The following FAM78B variants were observed in gnomAD, a reference collection of about 807,000 sequenced individuals.
FAM78B encodes the protein family with sequence similarity 78 member B.
Under a neutral mutation model 20.0 loss-of-function variants are expected in FAM78B, and 10 were observed. The ratio of observed to expected loss-of-function variants is 0.50; its 90% CI spans 0.31 to 0.85. FAM78B has a LOEUF of 0.85. Ranked by LOEUF, FAM78B falls within the 40% of genes least tolerant of loss-of-function variation. FAM78B has a pLI of 0.05. For synonymous variants in FAM78B, 135 were observed against 132.8 expected (o/e 1.02, Z -0.12); for missense variants, 283 against 345.0 (o/e 0.82, Z 1.42).
At chr1:166,084,241 T>C (rs57381395) in intron 1 of FAM78B, among the ~76,000 whole-genome samples, 2 of 66,188 alleles carry the variant, frequency 3.0e-5, no homozygotes, top group African/African-American at 1.4e-4. Flanking sequence ...ACACACACTC[T>C]CTCTCTCTCT....
chr1:166,069,291 A>G (rs1007622135), downstream of FAM78B, among the ~76,000 whole-genome samples: 6 of 96,506 alleles, frequency 6.2e-5, no homozygotes, highest in African/African-American at 1.6e-4. Context: ...TCAGAAACTC[A>G]AAAGAAACAG....
chr1:166,156,219 T>TG (rs1410471121), intron 1 of FAM78B, among the ~76,000 whole-genome samples: 1 of 152,244 alleles, frequency 6.6e-6, no homozygotes, highest in East Asian at 1.9e-4. Flanking sequence ...AATAACAAAA[T>TG]GGCCTTATTT....
intron 1 of FAM78B, among the ~76,000 whole-genome samples, chr1:166,140,327 T>C (rs961878498): frequency 6.6e-6 from 1 of 152,214 alleles, no homozygotes; most frequent in Non-Finnish European, 1.5e-5. Context: ...CAGCCCCAGC[T>C]TGATTGCTGC....
At position 166,144,555 on chromosome 1, in the gene FAM78B, T is replaced by A. The variant is rs1297608983; in HGVS notation, c.263+21431A>T. 3.3e-5 allele frequency among the ~76,000 whole-genome samples: 5 copies of A among 152,110 alleles called. No homozygotes were observed. In the East Asian group the frequency reaches 7.7e-4, roughly 24 times the overall value. On this transcript the variant is annotated intron_variant, in intron 1 of 1. Coordinates refer to ENST00000354422, the MANE Select transcript of FAM78B (RefSeq NM_001017961.5). ...ATGGGGAGAAAGAGGTTGGTTGTTG[T>A]CCTCATGATGGAGCAGGAAGGATCA... is the stretch of plus-strand genomic sequence containing the variant.
downstream of FAM78B, among the ~76,000 whole-genome samples, chr1:166,065,060 G>A (rs772411628): frequency 6.6e-6 from 1 of 152,178 alleles, no homozygotes; most frequent in Non-Finnish European, 1.5e-5. Context: ...CCTGAACCCT[G>A]ACTCCTCAGT....
intron 1 of FAM78B, among the ~76,000 whole-genome samples, chr1:166,086,165 A>G (rs1227827003): frequency 6.6e-6 from 1 of 151,954 alleles, no homozygotes; most frequent in South Asian, 2.1e-4. Flanking sequence ...AGATGGGACA[A>G]ACTTAACTCT....
intron 1 of FAM78B, among the ~76,000 whole-genome samples, chr1:166,074,140 T>C (rs753595184): frequency 1.3e-5 from 2 of 152,178 alleles, no homozygotes; most frequent in Non-Finnish European, 2.9e-5. Flanking sequence ...TTCCAAGGCT[T>C]TTCTATATGG....
At chr1:166,057,914 G>C (rs1214100137) in exon 3 of FAM78B, 1 of 152,072 alleles carries the variant, frequency 6.6e-6, no homozygotes, top group Non-Finnish European at 1.5e-5. Context: ...GTTTCCCAGC[G>C]AGATCTAAAT....
chr1:166,102,476 A>T (rs1419728501), intron 1 of FAM78B, among the ~76,000 whole-genome samples: 1 of 152,222 alleles, frequency 6.6e-6, no homozygotes, highest in Non-Finnish European at 1.5e-5. Flanking sequence ...TCATCTGTAG[A>T]GACAAACATA....
chr1:166,063,519 G>A (rs7547563), intron 2 of FAM78B, among the ~76,000 whole-genome samples: 6,710 of 152,242 alleles, frequency 0.044, 208 homozygotes, highest in Non-Finnish European at 0.069. Context: ...TGGATCTTAT[G>A]AGACCAGCCT....
At chr1:166,083,652 G>A (rs550862901) in intron 1 of FAM78B, among the ~76,000 whole-genome samples, 13 of 152,234 alleles carry the variant, frequency 8.5e-5, no homozygotes, top group African/African-American at 3.1e-4. Context: ...CTACACGTGC[G>A]TGCCACCACG....
At chr1:166,073,045 CAACAACAA>C (rs759188107) in intron 1 of FAM78B, among the ~76,000 whole-genome samples, 2 of 152,024 alleles carry the variant, frequency 1.3e-5, no homozygotes, top group Non-Finnish European at 2.9e-5. Flanking sequence ...TGAAAAACAA[CAACAACAA>C]AACAACAAAA....
At chr1:166,124,244 C>G (rs999737941) in intron 1 of FAM78B, among the ~76,000 whole-genome samples, 1 of 152,218 alleles carries the variant, frequency 6.6e-6, no homozygotes, top group African/African-American at 2.4e-5. Flanking sequence ...CTTCCACATT[C>G]AATTCACAGT....
At chr1:166,153,090 C>A (rs1298127971) in intron 1 of FAM78B, among the ~76,000 whole-genome samples, 1 of 152,088 alleles carries the variant, frequency 6.6e-6, no homozygotes, top group Non-Finnish European at 1.5e-5. Flanking sequence ...TTTTGGAAAC[C>A]CACTCATGAG....
chr1:166,104,539 A>G (rs1653682687), intron 1 of FAM78B, among the ~76,000 whole-genome samples: 1 of 151,942 alleles, frequency 6.6e-6, no homozygotes, highest in South Asian at 2.1e-4. Flanking sequence ...CAAAAATCAC[A>G]AGCATTCTTA....
chr1:166,166,343 C>A lies in FAM78B; in HGVS notation c.-95G>T. 1 of 1,013,574 alleles carries A rather than the reference C, an allele frequency of 9.9e-7. No individual in the cohort carries two copies. The highest frequency in any genetic ancestry group is 1.2e-6 in the Non-Finnish European group (1 of 840,974). 62.8% of individuals were successfully genotyped at this position (1,013,574 alleles called of 1,614,324 possible). A position where few individuals can be genotyped will look rare whatever the true frequency, so the allele number is the denominator to read the frequency against. ...CCGTCACGCCGGCATGGCGACGCGC[C>A]GCTCGCTCCCGGTCAGACTCAGCTC... is the stretch of plus-strand genomic sequence containing the variant. On this transcript the variant is annotated 5_prime_UTR_variant, in exon 1 of 2. Coordinates refer to ENST00000354422, the MANE Select transcript of FAM78B (RefSeq NM_001017961.5).
At chr1:166,118,312 A>C (rs1654336981) in intron 1 of FAM78B, among the ~76,000 whole-genome samples, 1 of 152,148 alleles carries the variant, frequency 6.6e-6, no homozygotes, top group South Asian at 2.1e-4. Flanking sequence ...TGATTGCTAA[A>C]ATCTCTTTGG....
chr1:166,090,668 G>T (rs914126983), intron 1 of FAM78B, among the ~76,000 whole-genome samples: 1 of 152,186 alleles, frequency 6.6e-6, no homozygotes, highest in Non-Finnish European at 1.5e-5. Context: ...GTACTGTCCT[G>T]GGTGCAGGCG....
chr1:166,113,343 C>G (rs1421207272), intron 1 of FAM78B, among the ~76,000 whole-genome samples: 1 of 152,248 alleles, frequency 6.6e-6, no homozygotes, highest in Non-Finnish European at 1.5e-5. Flanking sequence ...GGTGCATGTT[C>G]AGATTACTTC....
Sources: allele counts gnomAD v4.1 joint callset (sites outside exome capture counted in the v4.1 genomes callset), GRCh38; gene constraint gnomAD v4.1.1; transcripts MANE v1.5; gene names NCBI Gene and HGNC (gene_info 2026-07-23, HGNC 2026-07-21).